Variants in EPHA5 observed in about 807,000 individuals in gnomAD.
EPHA5 encodes the protein EPH receptor A5.
Under a neutral mutation model 105.0 loss-of-function variants are expected in EPHA5, and 60 were observed. That is an observed-to-expected ratio of 0.57 (90% CI 0.46 to 0.71). The LOEUF is 0.71. Among genes scored for constraint, EPHA5 ranks in the 30% least tolerant of loss-of-function variants. The pLI is 0.00. For synonymous variants in EPHA5, 513 were observed against 449.1 expected, an observed-to-expected ratio of 1.14 and a Z score of -1.80; for missense variants, 1,218 against 1,274.7, an observed-to-expected ratio of 0.96 and a Z score of 0.68.
At chr4:65,428,023 A>C (rs1444397182) in intron 5 of EPHA5, among the ~76,000 whole-genome samples, 1 of 152,250 alleles carries the variant, frequency 6.6e-6, no homozygotes, top group Non-Finnish European at 1.5e-5. Flanking sequence ...ATATACACAC[A>C]TCACATAGAC....
At chr4:65,656,785 T>G (rs1327791365) in intron 1 of EPHA5, among the ~76,000 whole-genome samples, 2 of 151,074 alleles carry the variant, frequency 1.3e-5, no homozygotes. Context: ...CGGCTAATTT[T>G]TTGTATATTG....
In EPHA5 at chr4:65,333,530, AGTGTGTGTCT is replaced by A. The variant is rs1464103719; in HGVS notation, c.2790-1412_2790-1403del. 8.5e-3 allele frequency among the ~76,000 whole-genome samples: 1,038 copies of A among 122,568 alleles called. 11 individuals are homozygous for A. Among genetic ancestry groups the A allele is most frequent in the South Asian group, 0.029 (94 of 3,276 alleles). 80.4% of individuals were successfully genotyped at this position (122,568 alleles called of 152,430 possible). On this transcript the variant is annotated intron_variant, in intron 15 of 16. Transcript: ENST00000613740. Reference sequence around the variant, plus strand: ...ACAATTGTGTGCGTGTGCGTGTGAGAGTGTGTGTCTGTGTGTGTGTGTGTGTGTGTGTGTG... The same window carrying A: ...ACAATTGTGTGCGTGTGCGTGTGAGAGTGTGTGTGTGTGTGTGTGTGTGTG...
rs1747837729 is a variant in EPHA5, at chr4:65,643,406, G to C, written c.203C>G (p.Thr68Ser). 6.2e-7 allele frequency: 1 copy of C among 1,613,048 alleles called. No homozygotes were observed. The highest frequency in any genetic ancestry group is 1.1e-5 in the South Asian group (1 of 91,018). ...SNEVNLLDSR[T>S]VMGDLGWIAF... ...AATCCATCCCAGGTCCCCCATGACAGTGCGTGAATCCAATAAATTCACTGA... is the reference window on the plus strand; with the variant it reads ...AATCCATCCCAGGTCCCCCATGACACTGCGTGAATCCAATAAATTCACTGA... The change falls in exon 2 of 17, where the codon ACT becomes AGT. Residue 68 changes from threonine to serine, a missense_variant. Physicochemically the swap from Thr to Ser is moderately conservative, Grantham distance 58. This residue lies in a region of EPHA5 where 233 missense variants were observed against 227.5 expected (regional missense o/e 1.02). Coordinates refer to ENST00000613740, the MANE Select transcript of EPHA5 (RefSeq NM_001281766.3).
At chr4:65,603,680 G>C (rs1743956019) in intron 2 of EPHA5, among the ~76,000 whole-genome samples, 1 of 152,034 alleles carries the variant, frequency 6.6e-6, no homozygotes, top group Admixed American at 6.6e-5. Context: ...TAAAACTGTT[G>C]AGCTCCTTAA....
chr4:65,589,022 T>G (rs1173717915), intron 3 of EPHA5, among the ~76,000 whole-genome samples: 1 of 152,036 alleles, frequency 6.6e-6, no homozygotes, highest in Non-Finnish European at 1.5e-5. Context: ...TTGTGCCAAG[T>G]GCTAAGCTTT....
At chr4:65,600,976 C>A (rs1328033154) in intron 3 of EPHA5, among the ~76,000 whole-genome samples, 2 of 151,964 alleles carry the variant, frequency 1.3e-5, no homozygotes, top group Non-Finnish European at 2.9e-5. Flanking sequence ...AAAAAAATCC[C>A]CCAGGGCAAA....
chr4:65,663,810 A>C (rs1749742966), intron 1 of EPHA5, among the ~76,000 whole-genome samples: 1 of 152,144 alleles, frequency 6.6e-6, no homozygotes, highest in South Asian at 2.1e-4. Flanking sequence ...ATAGGGTCAA[A>C]AGAAAAATGC....
chr4:65,345,173 G>GAAGAC (rs1722096574), intron 14 of EPHA5, among the ~76,000 whole-genome samples: 1 of 152,084 alleles, frequency 6.6e-6, no homozygotes, highest in African/African-American at 2.4e-5. Flanking sequence ...TCATAAAGCT[G>GAAGAC]AAGACAATAT....
chr4:65,556,451 T>C, intron 3 of EPHA5, among the ~76,000 whole-genome samples: 1 of 151,944 alleles, frequency 6.6e-6, no homozygotes, highest in East Asian at 1.9e-4. Flanking sequence ...ATGTAACAAG[T>C]GTGGGTAAAA....
intron 3 of EPHA5, among the ~76,000 whole-genome samples, chr4:65,539,649 A>G (rs2149318554): frequency 6.6e-6 from 1 of 151,740 alleles, no homozygotes; most frequent in East Asian, 1.9e-4. Flanking sequence ...TGTATATCAG[A>G]GAATAGTTTT....
rs1201104648 is a variant in EPHA5 at position 65,435,726 on chromosome 4, C to A, written c.1403-15161G>T. Among the ~76,000 whole-genome samples the A allele has an allele frequency of 2.6e-5, 4 of 151,882 alleles. No individual in the cohort carries two copies. The South Asian group carries it at 8.3e-4, about 31-fold the overall frequency. ...TTAGCATTAGGGGTAAAGAGCTGAG[C>A]CTTTTTATATGTAAAATTAGAGCGT... On this transcript the variant is annotated intron_variant, in intron 5 of 16. Coordinates refer to ENST00000613740, the MANE Select transcript of EPHA5 (RefSeq NM_001281766.3).
At chr4:65,544,275 C>T (rs1424556633) in intron 3 of EPHA5, among the ~76,000 whole-genome samples, 1 of 152,042 alleles carries the variant, frequency 6.6e-6, no homozygotes, top group Non-Finnish European at 1.5e-5. Flanking sequence ...TAACTATCAT[C>T]AGTGTGAACA....
At chr4:65,364,538 G>C (rs2148886613) in intron 11 of EPHA5, among the ~76,000 whole-genome samples, 1 of 151,476 alleles carries the variant, frequency 6.6e-6, no homozygotes, top group Middle Eastern at 3.4e-3. Flanking sequence ...CCTGTCTTCT[G>C]TGATTGTTGC....
intron 2 of EPHA5, among the ~76,000 whole-genome samples, chr4:65,629,156 C>G (rs932743058): frequency 6.6e-6 from 1 of 151,296 alleles, no homozygotes; most frequent in South Asian, 2.1e-4. Context: ...TGTAAACAGA[C>G]AGTAAAGGTT....
intron 5 of EPHA5, among the ~76,000 whole-genome samples, chr4:65,451,653 C>A (rs1727080735): frequency 6.6e-6 from 1 of 152,076 alleles, no homozygotes; most frequent in Admixed American, 6.6e-5. Flanking sequence ...TAGTCAGGTG[C>A]TGTTAAAACT....
At chr4:65,472,592 G>A (rs771767676) in intron 5 of EPHA5, among the ~76,000 whole-genome samples, 3 of 152,182 alleles carry the variant, frequency 2.0e-5, no homozygotes, top group Admixed American at 1.3e-4. Context: ...CGTGGAAGCC[G>A]CTAAGGCTTG....
intron 2 of EPHA5, among the ~76,000 whole-genome samples, chr4:65,608,712 C>CA (rs1175705173): frequency 6.6e-6 from 1 of 151,940 alleles, no homozygotes; most frequent in African/African-American, 2.4e-5. Flanking sequence ...ATATATAGAT[C>CA]AATTTTAGAT....
At chr4:65,387,829 T>TA (rs1317691204) in intron 8 of EPHA5, among the ~76,000 whole-genome samples, 2 of 151,916 alleles carry the variant, frequency 1.3e-5, no homozygotes, top group African/African-American at 4.8e-5. Flanking sequence ...TCTTTTTTTT[T>TA]ATTATACTTT....
intron 2 of EPHA5, among the ~76,000 whole-genome samples, chr4:65,637,964 A>T (rs1302752761): frequency 6.6e-6 from 1 of 152,136 alleles, no homozygotes; most frequent in Non-Finnish European, 1.5e-5. Flanking sequence ...GATTGTTTTT[A>T]ACAAATGTAT....
Sources: allele counts gnomAD v4.1 joint callset (sites outside exome capture counted in the v4.1 genomes callset), GRCh38; gene constraint gnomAD v4.1.1; regional missense constraint gnomAD v4.1.1; transcripts MANE v1.5; gene names NCBI Gene and HGNC (gene_info 2026-07-23, HGNC 2026-07-21).